The following ZNF664 variants were observed in gnomAD, a reference collection of about 807,000 sequenced individuals.
ZNF664 encodes the protein zinc finger protein 664.
ZNF664 carries 10 observed loss-of-function variants against 18.2 expected under a neutral mutation model. The ratio of observed to expected loss-of-function variants is 0.55; its 90% CI spans 0.34 to 0.93. The LOEUF (loss-of-function observed/expected upper bound fraction) is 0.93. ZNF664 is among the 40% of genes least tolerant of loss of function. The pLI is 0.02. For synonymous variants in ZNF664, 119 were observed against 104.2 expected (o/e 1.14, Z -0.86); for missense variants, 193 against 319.0 (o/e 0.61, Z 3.01).
rs558497350 is a variant in ZNF664 at position 124,002,205 on chromosome 12, C to T, written c.-660-9176C>T. Among the ~76,000 whole-genome samples the T allele has an allele frequency of 1.3e-4, 20 of 152,210 alleles. 1 individual carries two copies. Among genetic ancestry groups the T allele is most frequent in the African/African-American group, 4.8e-4 (20 of 41,544 alleles). On this transcript the variant is annotated intron_variant, in intron 3 of 4. Transcript: ENST00000337815. Reference sequence around the variant, plus strand: ...CCCTGAGGACCAGGAAGAAACTGGGCAGGGGGCTCATGTGAAGGTACTGAG... The same window carrying T: ...CCCTGAGGACCAGGAAGAAACTGGGTAGGGGGCTCATGTGAAGGTACTGAG...
chr12:124,005,354 G>A (rs565982522), intron 3 of ZNF664, among the ~76,000 whole-genome samples: 1 of 152,124 alleles, frequency 6.6e-6, no homozygotes, highest in South Asian at 2.1e-4. Context: ...TCACATACTC[G>A]GTGCTGGCAG....
intron 2 of ZNF664, among the ~76,000 whole-genome samples, chr12:123,984,996 A>G (rs1956807106): frequency 6.6e-6 from 1 of 152,084 alleles, no homozygotes; most frequent in South Asian, 2.1e-4. Context: ...ACCGTAGACT[A>G]GGATTCAGGG....
At chr12:123,993,803 ATTTGATGGC>A (rs1263425433) in intron 3 of ZNF664, among the ~76,000 whole-genome samples, 3 of 150,058 alleles carry the variant, frequency 2.0e-5, no homozygotes, top group Non-Finnish European at 4.4e-5. Flanking sequence ...CCAAATTAGA[ATTTGATGGC>A]TTTGATTTCT....
chr12:123,980,877 G>A (rs1033560435), intron 2 of ZNF664, among the ~76,000 whole-genome samples: 1 of 152,024 alleles, frequency 6.6e-6, no homozygotes, highest in African/African-American at 2.4e-5. Flanking sequence ...TGGAACATTT[G>A]ATTTAACAAA....
At chr12:123,993,372 A>G (rs1956910536) in intron 3 of ZNF664, among the ~76,000 whole-genome samples, 1 of 152,248 alleles carries the variant, frequency 6.6e-6, no homozygotes, top group Non-Finnish European at 1.5e-5. Flanking sequence ...TGGTGGAAGC[A>G]AAATAGAAGG....
At chr12:124,004,767 T>G (rs192021727) in intron 3 of ZNF664, 1 of 152,464 alleles carries the variant, frequency 6.6e-6, no homozygotes, top group East Asian at 1.9e-4. Flanking sequence ...CATTAGATTC[T>G]CGTAGGGGCG....
chr12:123,998,000 A>T (rs373611526), intron 3 of ZNF664, among the ~76,000 whole-genome samples: 79 of 152,294 alleles, frequency 5.2e-4, no homozygotes, highest in African/African-American at 1.9e-3. Flanking sequence ...GGGAAACTGC[A>T]TTGGATAGGG....
intron 3 of ZNF664, among the ~76,000 whole-genome samples, chr12:123,991,018 C>G (rs1956882690): frequency 6.6e-6 from 1 of 152,176 alleles, no homozygotes; most frequent in East Asian, 1.9e-4. Flanking sequence ...TGGTGAGAAT[C>G]AGTGACTACA....
chr12:124,011,881 TTAA>T lies in ZNF664; in HGVS notation c.-262_-260del. On this transcript the variant is annotated 5_prime_UTR_variant, in exon 5 of 5. An upstream start codon of the reference 5' UTR is lost. Coordinates refer to ENST00000337815, the MANE Select transcript of ZNF664 (RefSeq NM_152437.3). The stretch of plus-strand genomic sequence containing the variant: ...TCAGGATCTAAAACAAAGTTCTGTG[TTAA>T]TGAGTTACAGAATTCACGTGGAAGT... 7.9e-7 allele frequency: 1 copy of T among 1,263,676 alleles called. No homozygotes were observed. The highest frequency in any genetic ancestry group is 9.9e-7 in the Non-Finnish European group (1 of 1,007,344). 78.3% of individuals were successfully genotyped at this position (1,263,676 alleles called of 1,614,324 possible).
At chr12:123,990,720 TG>T (rs1206730885) in intron 3 of ZNF664, among the ~76,000 whole-genome samples, 1 of 152,208 alleles carries the variant, frequency 6.6e-6, no homozygotes, top group African/African-American at 2.4e-5. Context: ...AAGAATCCCC[TG>T]GCCAGTTGTG....
chr12:124,005,051 T>A (rs907678349), intron 3 of ZNF664: 18 of 153,444 alleles, frequency 1.2e-4, no homozygotes, highest in Admixed American at 4.6e-4. Context: ...CTGCCCCCAG[T>A]CTGTGGAAAA....
rs202223166 is a variant in ZNF664, at chr12:124,005,483, ATGTGTGTGTGTGTGTG to A, written c.-660-5871_-660-5856del. Among the ~76,000 whole-genome samples the A allele has an allele frequency of 3.6e-3, 510 of 142,922 alleles. 4 individuals carry two copies. Among genetic ancestry groups the A allele is most frequent in the African/African-American group, 0.012 (470 of 37,904 alleles). 93.8% of individuals were successfully genotyped at this position (142,922 alleles called of 152,430 possible). ...TTTTGACTGGATGATAATTTATAGA[ATGTGTGTGTGTGTGTG>A]TGTGTGTGTGTGTGTGTGTGTGTGT... On this transcript the variant is annotated intron_variant, in intron 3 of 4. Coordinates refer to ENST00000337815, the MANE Select transcript of ZNF664 (RefSeq NM_152437.3).
At chr12:124,002,576 G>C (rs1957025305) in intron 3 of ZNF664, among the ~76,000 whole-genome samples, 1 of 152,192 alleles carries the variant, frequency 6.6e-6, no homozygotes, top group South Asian at 2.1e-4. Flanking sequence ...AGTGGCCATG[G>C]AGAGATGCAA....
chr12:124,012,216 T>G lies in ZNF664; in HGVS notation c.72T>G (p.Ile24Met), dbSNP rs748151483. ...CAGATCTTTTTATGCATCAGAAAAT[T>G]CACACAGCTGAGAAGCCCCATAAAT... The part of the protein sequence containing the change: ...ERADLFMHQK[I>M]HTAEKPHKCD... The change falls in exon 5 of 5, where the codon ATT (isoleucine) becomes ATG (methionine). Residue 24 changes from isoleucine (I) to methionine (M), a missense_variant. By Grantham distance (10) the Ile-to-Met change is conservative. This residue lies in a region of ZNF664 where 90 missense variants were observed against 118.9 expected (regional missense o/e 0.76). Transcript: ENST00000337815. 6 of 1,613,842 alleles carry G rather than the reference T, an allele frequency of 3.7e-6. No homozygotes were observed. The highest frequency in any genetic ancestry group is 4.2e-6 in the Non-Finnish European group (5 of 1,179,940).
At chr12:123,978,026 T>C (rs921349999) in intron 2 of ZNF664, among the ~76,000 whole-genome samples, 1 of 152,172 alleles carries the variant, frequency 6.6e-6, no homozygotes, top group African/African-American at 2.4e-5. Context: ...GCAGGTGTTA[T>C]GAGAGTAAGA....
chr12:123,994,624 G>T (rs1241258349), intron 3 of ZNF664, among the ~76,000 whole-genome samples: 1 of 152,176 alleles, frequency 6.6e-6, no homozygotes, highest in African/African-American at 2.4e-5. Context: ...TAATGTAGTT[G>T]GAAAAGGGAT....
intron 3 of ZNF664, among the ~76,000 whole-genome samples, chr12:124,001,338 A>G (rs1321167855): frequency 6.6e-6 from 1 of 152,206 alleles, no homozygotes; most frequent in East Asian, 1.9e-4. Context: ...TTTAAAATGG[A>G]AATCTGATGT....
At chr12:124,008,309 A>G (rs1317066271) in intron 3 of ZNF664, among the ~76,000 whole-genome samples, 2 of 152,180 alleles carry the variant, frequency 1.3e-5, no homozygotes, top group Non-Finnish European at 2.9e-5. Context: ...TTTGACAAGA[A>G]TGTCTTCAGA....
rs532407468 is a variant in ZNF664 at position 124,013,602 on chromosome 12, T to C, written c.*672T>C. On this transcript the variant is annotated 3_prime_UTR_variant, in exon 5 of 5. Coordinates refer to ENST00000337815, the MANE Select transcript of ZNF664 (RefSeq NM_152437.3). ...TATGTCCTTGAACCTTTTTTATTTG[T>C]GTGGATTCTGCTCATCACTGTCTCT... is the stretch of plus-strand genomic sequence containing the variant. The C allele has an allele frequency of 2.4e-5, 4 of 167,626 alleles. No homozygotes were observed. In the East Asian group the frequency reaches 7.7e-4, roughly 32 times the overall value. 10.4% of individuals were successfully genotyped at this position (167,626 alleles called of 1,614,324 possible). A position where few individuals can be genotyped will look rare whatever the true frequency, so the allele number is the denominator to read the frequency against.
Sources: allele counts gnomAD v4.1 joint callset (sites outside exome capture counted in the v4.1 genomes callset), GRCh38; gene constraint gnomAD v4.1.1; regional missense constraint gnomAD v4.1.1; transcripts MANE v1.5; gene names NCBI Gene and HGNC (gene_info 2026-07-23, HGNC 2026-07-21).